ESF1: variants seen among roughly 807,000 people sequenced by gnomAD.
ESF1 encodes the protein ESF1 nucleolar pre-rRNA processing protein.
ESF1 carries 58 observed loss-of-function variants against 92.0 expected under a neutral mutation model. The observed-to-expected ratio is 0.63, with a 90% CI of 0.51 to 0.78. ESF1 has a LOEUF of 0.78. ESF1 is among the 30% of genes least tolerant of loss of function. ESF1 has a pLI of 0.00. For synonymous variants in ESF1, 321 were observed against 313.7 expected, an observed-to-expected ratio of 1.02 and a Z score of -0.24; for missense variants, 922 against 989.1, an observed-to-expected ratio of 0.93 and a Z score of 0.91.
chr20:13,747,455 A>G (rs1041585388), intron 9 of ESF1, among the ~76,000 whole-genome samples: 4 of 151,946 alleles, frequency 2.6e-5, no homozygotes, highest in African/African-American at 9.7e-5. Context: ...GCTACTCGTG[A>G]GGCAGAGGCA....
intron 9 of ESF1, among the ~76,000 whole-genome samples, chr20:13,735,850 T>C (rs1384027982): frequency 1.3e-5 from 2 of 152,160 alleles, no homozygotes; most frequent in Non-Finnish European, 2.9e-5. Flanking sequence ...TTCTATGTTG[T>C]TGTCTCTTAG....
intron 1 of ESF1, 21 bp from the exon 2 acceptor site, chr20:13,783,204 T>G: frequency 6.7e-7 from 1 of 1,481,842 alleles, no homozygotes; most frequent in Non-Finnish European, 9.1e-7. Flanking sequence ...AAACAAATGT[T>G]TTAATGGTAA....
At chr20:13,760,956 A>C (rs1253061951) in intron 8 of ESF1, among the ~76,000 whole-genome samples, 3 of 152,234 alleles carry the variant, frequency 2.0e-5, no homozygotes, top group African/African-American at 7.2e-5. Flanking sequence ...AAGGTGGGGA[A>C]AAGACTGAGA....
At chr20:13,782,446 G>T in intron 2 of ESF1, 58 bp downstream of exon 2, 2 of 1,356,220 alleles carry the variant, frequency 1.5e-6, no homozygotes, top group East Asian at 2.5e-5. Flanking sequence ...ATTTTTGAAA[G>T]ATCAGTATAA....
At chr20:13,770,456 C>T (rs984143696) in intron 6 of ESF1, among the ~76,000 whole-genome samples, 1 of 152,180 alleles carries the variant, frequency 6.6e-6, no homozygotes, top group Admixed American at 6.5e-5. Flanking sequence ...GAAGTCTCAA[C>T]GGCCTGGGCT....
rs777383636 is a variant in ESF1 at position 13,782,781 on chromosome 20, A to G, written c.360T>C (p.Ala120=). ...LVEKKKETKK[A]NHKGSENKTD... Reference sequence around the variant, plus strand: ...TTTTATTTTCAGAACCCTTGTGATTAGCCTTCTTGGTTTCTTTCTTTTTCT... The same window carrying G: ...TTTTATTTTCAGAACCCTTGTGATTGGCCTTCTTGGTTTCTTTCTTTTTCT... Residue 120 remains alanine, a synonymous_variant, in exon 2 of 14, where the codon GCT becomes GCC. Transcript: ENST00000617257. 1 of 1,604,352 alleles carries G rather than the reference A, an allele frequency of 6.2e-7. No homozygotes were observed. The highest frequency in any genetic ancestry group is 1.1e-5 in the South Asian group (1 of 87,172).
intron 9 of ESF1, among the ~76,000 whole-genome samples, chr20:13,734,579 G>A (rs941195575): frequency 6.6e-6 from 1 of 152,118 alleles, no homozygotes; most frequent in Admixed American, 6.5e-5. Context: ...ATAACTAGAG[G>A]GGGTAACAAG....
At chr20:13,775,830 T>C in intron 3 of ESF1, 43 bp downstream of exon 3, 3 of 1,549,702 alleles carry the variant, frequency 1.9e-6, no homozygotes, top group Non-Finnish European at 2.6e-6. Flanking sequence ...AAGCTGCTTG[T>C]ACTGTGTTTT....
chr20:13,731,014 C>T (rs914194647), intron 10 of ESF1, among the ~76,000 whole-genome samples: 14 of 151,980 alleles, frequency 9.2e-5, no homozygotes, highest in Non-Finnish European at 1.9e-4. Context: ...GAGTCAAGGC[C>T]GGTACTGAGT....
intron 9 of ESF1, among the ~76,000 whole-genome samples, chr20:13,753,983 T>G (rs1461697528): frequency 6.6e-6 from 1 of 152,224 alleles, no homozygotes; most frequent in Non-Finnish European, 1.5e-5. Flanking sequence ...GCAACGTGCT[T>G]ATAATGGAAG....
intron 2 of ESF1, among the ~76,000 whole-genome samples, chr20:13,781,008 G>A (rs184431035): frequency 3.2e-4 from 49 of 152,178 alleles, no homozygotes; most frequent in Non-Finnish European, 4.6e-4. Flanking sequence ...GCACACTCTG[G>A]TCCTCAAACT....
intron 2 of ESF1, among the ~76,000 whole-genome samples, chr20:13,781,345 G>A (rs1980178611): frequency 6.6e-6 from 1 of 152,074 alleles, no homozygotes; most frequent in Non-Finnish European, 1.5e-5. Flanking sequence ...ATTACATATT[G>A]AAATAATTTT....
At chr20:13,743,784 T>A (rs755105758) in intron 9 of ESF1, among the ~76,000 whole-genome samples, 2 of 152,216 alleles carry the variant, frequency 1.3e-5, no homozygotes, top group South Asian at 4.1e-4. Context: ...GAATAAGTTC[T>A]GGGATCTAGC....
chr20:13,783,682 G>A (rs1279056101), intron 1 of ESF1, among the ~76,000 whole-genome samples: 1 of 152,180 alleles, frequency 6.6e-6, no homozygotes, highest in Admixed American at 6.5e-5. Context: ...CGGCATGGTG[G>A]CGCGCGCCTG....
At position 13,784,904 on chromosome 20, in the gene ESF1, C is replaced by G; in HGVS notation, c.-68G>C. On this transcript the variant is annotated 5_prime_UTR_variant, in exon 1 of 14. Transcript: ENST00000617257. Reference sequence around the variant, plus strand: ...CCGTCCGCAGTCCTACCAAGCCTCACGTGGGGCTCACACCCACAATCCTCC... The same window carrying G: ...CCGTCCGCAGTCCTACCAAGCCTCAGGTGGGGCTCACACCCACAATCCTCC... The G allele has an allele frequency of 1.5e-6, 1 of 647,878 alleles. No individual in the cohort carries two copies. Among genetic ancestry groups the G allele is most frequent in the Non-Finnish European group, 2.7e-6 (1 of 375,052 alleles). 40.1% of individuals were successfully genotyped at this position (647,878 alleles called of 1,614,324 possible). A position where few individuals can be genotyped will look rare whatever the true frequency, so the allele number is the denominator to read the frequency against.
At chr20:13,733,468 G>A (rs2049956585) in intron 10 of ESF1, among the ~76,000 whole-genome samples, 1 of 152,172 alleles carries the variant, frequency 6.6e-6, no homozygotes, top group South Asian at 2.1e-4. Context: ...TTACGTAGGT[G>A]GCATGTAAAT....
intron 9 of ESF1, among the ~76,000 whole-genome samples, chr20:13,748,592 A>ATATTTTTTTT (rs1331098586): frequency 1.1e-4 from 11 of 95,724 alleles, no homozygotes; most frequent in Non-Finnish European, 2.0e-4. Flanking sequence ...ATATATATAT[A>ATATTTTTTTT]TTTTTTTTTT....
rs189003939 is a variant in ESF1, at chr20:13,722,159, C to A, written c.2039-3175G>T. 3.3e-5 allele frequency among the ~76,000 whole-genome samples: 5 copies of A among 151,986 alleles called. No homozygotes were observed. The East Asian group carries it at 9.7e-4, about 29-fold the overall frequency. ...CTGTGGAAAATAATTTCAAAAAGCC[C>A]ACAATAAACTATTTCAGATTTTATA... On this transcript the variant is annotated intron_variant, in intron 11 of 13. Coordinates refer to ENST00000617257, the MANE Select transcript of ESF1 (RefSeq NM_001276380.2).
At chr20:13,726,042 A>T (rs2049898618) in intron 11 of ESF1, among the ~76,000 whole-genome samples, 1 of 152,190 alleles carries the variant, frequency 6.6e-6, no homozygotes, top group Admixed American at 6.5e-5. Flanking sequence ...AAGTATATCT[A>T]GAGTTCCATT....
Sources: gnomAD v4.1 joint callset for allele counts (sites outside exome capture counted in the v4.1 genomes callset) on GRCh38, gnomAD v4.1.1 for gene constraint, MANE v1.5 for transcripts, NCBI Gene and HGNC (gene_info 2026-07-23, HGNC 2026-07-21) for gene names.